IGLON5: variants seen among roughly 807,000 people sequenced by gnomAD.
The protein encoded by IGLON5 is IgLON family member 5, also known as Ig-like domain-containing protein ENSP00000270642.
Under a neutral mutation model 38.2 loss-of-function variants are expected in IGLON5, and 16 were observed. That is an observed-to-expected ratio of 0.42 (90% CI 0.28 to 0.64). The LOEUF (loss-of-function observed/expected upper bound fraction) is 0.64, where lower values mean the gene tolerates loss of function less well. IGLON5 is among the 30% of genes least tolerant of loss of function. The pLI is 0.23. For synonymous variants in IGLON5, 207 were observed against 216.4 expected (o/e 0.96, Z 0.38); for missense variants, 366 against 483.4 (o/e 0.76, Z 2.28).
At position 51,329,436 on chromosome 19, in the gene IGLON5, G is replaced by T. The variant is rs1429356976; in HGVS notation, c.*677G>T. On this transcript the variant is annotated 3_prime_UTR_variant, in exon 8 of 8. Coordinates refer to ENST00000270642, the MANE Select transcript of IGLON5 (RefSeq NM_001101372.3). This position sits in a 1 kb window ranked among gnomAD's most constrained non-coding sequence, Gnocchi z 4.3. ...TGGGGGACCTCCATCTAGGCTCTGGGCTTCCCTGCTGTCAACCACCAGCTT... is the reference window on the plus strand; with the variant it reads ...TGGGGGACCTCCATCTAGGCTCTGGTCTTCCCTGCTGTCAACCACCAGCTT... The T allele has an allele frequency of 1.3e-5, 2 of 152,236 alleles. No individual in the cohort carries two copies. The highest frequency in any genetic ancestry group is 1.9e-4 in the East Asian group (1 of 5,182). The allele number at this position is 152,236 out of a possible 1,614,324, so 9.4% of individuals were successfully genotyped here. A position where few individuals can be genotyped will look rare whatever the true frequency, so the allele number is the denominator to read the frequency against.
intron 1 of IGLON5, among the ~76,000 whole-genome samples, chr19:51,312,383 CG>C (rs914093091): frequency 4.0e-5 from 6 of 151,752 alleles, no homozygotes; most frequent in Non-Finnish European, 1.5e-5. Flanking sequence ...AGGTCCTTGC[CG>C]GGGGCTGGGG....
intron 1 of IGLON5, among the ~76,000 whole-genome samples, chr19:51,315,688 CTT>C (rs756194855): frequency 1.7e-4 from 14 of 82,582 alleles, no homozygotes; most frequent in Admixed American, 9.5e-4. Flanking sequence ...GGAAGTCAAC[CTT>C]TTTTTTTTTT....
chr19:51,328,719 CCCT>C lies in IGLON5; in HGVS notation c.976_978del (p.Leu326del), dbSNP rs1599829332. 1 of 1,600,552 alleles carries C rather than the reference CCCT, an allele frequency of 6.2e-7. No individual in the cohort carries two copies. Among genetic ancestry groups the C allele is most frequent in the Non-Finnish European group, 8.5e-7 (1 of 1,173,780 alleles). Reference sequence around the variant, plus strand: ...GCCCCGAGGCCCCCAGGGCTCCTGGCCCTCCTCTCCGCCCTGGGCTGGCTGTGG... The same window carrying C: ...GCCCCGAGGCCCCCAGGGCTCCTGGCCCTCTCCGCCCTGGGCTGGCTGTGG... On this transcript the variant is annotated inframe_deletion, in exon 8 of 8. Transcript: ENST00000270642.
chr19:51,325,716 C>T lies in IGLON5; in HGVS notation c.511+251C>T, dbSNP rs1305576412. ...GCGTCACTTGCCAAACCCCAGCCTG[C>T]GTCACTTCCCCAACCCCAGTGTCCC... On this transcript the variant is annotated intron_variant, in intron 4 of 7. Transcript: ENST00000270642. The surrounding 1 kb of genome is among the most constrained non-coding windows in gnomAD (Gnocchi z 5.5). Among the ~76,000 whole-genome samples the T allele has an allele frequency of 6.6e-6, 1 of 152,184 alleles. No individual in the cohort carries two copies. The highest frequency in any genetic ancestry group is 1.5e-5 in the Non-Finnish European group (1 of 68,026).
In IGLON5 at chr19:51,330,023, G is replaced by A. The variant is rs1985315684; in HGVS notation, c.*1264G>A. 1 of 152,292 alleles carries A rather than the reference G, an allele frequency of 6.6e-6. No homozygotes were observed. The highest frequency in any genetic ancestry group is 2.4e-5 in the African/African-American group (1 of 41,458). The allele number at this position is 152,292 out of a possible 1,614,324, so 9.4% of individuals were successfully genotyped here. On this transcript the variant is annotated 3_prime_UTR_variant, in exon 8 of 8. Transcript: ENST00000270642. ...ACCCTGGTACACCACACCACACAAAGTGGGGGACAGAGAGGCATCACACAG... is the reference window on the plus strand; with the variant it reads ...ACCCTGGTACACCACACCACACAAAATGGGGGACAGAGAGGCATCACACAG...
intron 2 of IGLON5, 101 bp from the exon 3 acceptor site, chr19:51,323,561 C>A: frequency 1.1e-6 from 1 of 924,740 alleles, no homozygotes; most frequent in Non-Finnish European, 1.7e-6. Context: ...TGTGGTGGGA[C>A]CTGGAGATGC....
In IGLON5 at chr19:51,327,864, C is replaced by T; in HGVS notation, c.900C>T (p.Ser300=). Reference sequence around the variant, plus strand: ...GCGCCGCCAACCGACTGGGAGCGTCCAGCGCCTCCATGCGGCTCCTGCGTG... The same window carrying T: ...GCGCCGCCAACCGACTGGGAGCGTCTAGCGCCTCCATGCGGCTCCTGCGTG... ...TCRAANRLGA[S]SASMRLLRPG... is the part of the protein sequence containing the mutation. Residue 300 remains serine, a synonymous_variant, in exon 7 of 8, where the codon TCC becomes TCT. Transcript: ENST00000270642. The surrounding 1 kb of genome is among the most constrained non-coding windows in gnomAD (Gnocchi z 7.1). The T allele has an allele frequency of 2.0e-6, 3 of 1,534,342 alleles. No individual in the cohort carries two copies. The highest frequency in any genetic ancestry group is 2.6e-6 in the Non-Finnish European group (3 of 1,138,876).
rs1400171308 is a variant in IGLON5, at chr19:51,313,641, C to CTTTT, written c.79+1716_79+1717insTTTT. On this transcript the variant is annotated intron_variant, in intron 1 of 7. Coordinates refer to ENST00000270642, the MANE Select transcript of IGLON5 (RefSeq NM_001101372.3). ...TCCTTCTTTCTCTTTTTCTCTCTCT[C>CTTTT]TCTCTTTTTCTTTCTTTCTTTCTTT... 1.1e-4 allele frequency among the ~76,000 whole-genome samples: 9 copies of CTTTT among 82,634 alleles called. No individual in the cohort carries two copies. In the East Asian group the frequency reaches 1.3e-3, roughly 12 times the overall value. 54.2% of individuals were successfully genotyped at this position (82,634 alleles called of 152,430 possible). A position where few individuals can be genotyped will look rare whatever the true frequency, so the allele number is the denominator to read the frequency against.
intron 1 of IGLON5, among the ~76,000 whole-genome samples, chr19:51,315,758 C>T (rs1984904474): frequency 7.4e-6 from 1 of 135,622 alleles, no homozygotes. Flanking sequence ...TGCAGTGGCA[C>T]TATCTCAGCT....
chr19:51,315,516 T>G (rs1052179449), intron 1 of IGLON5, among the ~76,000 whole-genome samples: 1 of 151,914 alleles, frequency 6.6e-6, no homozygotes, highest in Non-Finnish European at 1.5e-5. Context: ...TGGAGAGAGA[T>G]CAAAGACCAA....
At position 51,311,788 on chromosome 19, in the gene IGLON5, C is replaced by A; in HGVS notation, c.-60C>A. 3.3e-6 allele frequency: 1 copy of A among 305,430 alleles called. No homozygotes were observed. The allele number at this position is 305,430 out of a possible 1,614,324, so 18.9% of individuals were successfully genotyped here. The stretch of plus-strand genomic sequence containing the variant: ...TCCCCCTCCCCCCTCTCCCCCCAGG[C>A]CTCGCGCGCCCCGGACCGGCCCCCC... On this transcript the variant is annotated 5_prime_UTR_variant, in exon 1 of 8. Coordinates refer to ENST00000270642, the MANE Select transcript of IGLON5 (RefSeq NM_001101372.3).
At position 51,313,647 on chromosome 19, in the gene IGLON5, TTTTCTTTCTTTCTTTC is replaced by T. The variant is rs1555750477; in HGVS notation, c.79+1756_79+1771del. Among the ~76,000 whole-genome samples the T allele has an allele frequency of 2.9e-4, 34 of 116,272 alleles. 1 individual carries two copies. The highest frequency in any genetic ancestry group is 2.1e-3 in the South Asian group (7 of 3,346). 76.3% of individuals were successfully genotyped at this position (116,272 alleles called of 152,430 possible). A position where few individuals can be genotyped will look rare whatever the true frequency, so the allele number is the denominator to read the frequency against. The stretch of plus-strand genomic sequence containing the variant: ...TTTCTCTTTTTCTCTCTCTCTCTCT[TTTTCTTTCTTTCTTTC>T]TTTCTTTCTTTCTTTCTTTCTTTCT... On this transcript the variant is annotated intron_variant, in intron 1 of 7. Transcript: ENST00000270642.
chr19:51,330,456 C>T lies in IGLON5; in HGVS notation c.*1697C>T, dbSNP rs1219852030. On this transcript the variant is annotated 3_prime_UTR_variant, in exon 8 of 8. Transcript: ENST00000270642. ...TCTCCAGCATCATTCCTACCGCCTA[C>T]TTTCTCACTGGTAGACTTGGAATGG... The T allele has an allele frequency of 6.6e-6, 1 of 152,258 alleles. No homozygotes were observed. Among genetic ancestry groups the T allele is most frequent in the Non-Finnish European group, 1.5e-5 (1 of 68,052 alleles). 9.4% of individuals were successfully genotyped at this position (152,258 alleles called of 1,614,324 possible). A position where few individuals can be genotyped will look rare whatever the true frequency, so the allele number is the denominator to read the frequency against.
chr19:51,325,296 G>A lies in IGLON5; in HGVS notation c.392-50G>A, dbSNP rs1256398756. On this transcript the variant is annotated intron_variant, in intron 3 of 7. Coordinates refer to ENST00000270642, the MANE Select transcript of IGLON5 (RefSeq NM_001101372.3). This position sits in a 1 kb window ranked among gnomAD's most constrained non-coding sequence, Gnocchi z 5.5. ...CCTGGGTCTGAAGGAGGAAGGGCTG[G>A]GGGCCTGGATTCCTGGGCATCCATA... 2 of 1,592,884 alleles carry A rather than the reference G, an allele frequency of 1.3e-6. No individual in the cohort carries two copies. The highest frequency in any genetic ancestry group is 2.7e-5 in the African/African-American group (2 of 74,492).
At chr19:51,320,968 ATG>A (rs903300097) in intron 1 of IGLON5, among the ~76,000 whole-genome samples, 6 of 152,180 alleles carry the variant, frequency 3.9e-5, no homozygotes, top group African/African-American at 1.4e-4. Context: ...GCATAGGTAC[ATG>A]TGTGTCTGTA....
Position 51,324,618 on chromosome 19 carries a change from C to T in IGLON5, c.391+724C>T, listed in dbSNP as rs777024607. Among the ~76,000 whole-genome samples, 23 of 152,158 alleles carry T rather than the reference C, an allele frequency of 1.5e-4. No individual in the cohort carries two copies. The highest frequency in any genetic ancestry group is 3.3e-4 in the Admixed American group (5 of 15,276). On this transcript the variant is annotated intron_variant, in intron 3 of 7. Coordinates refer to ENST00000270642, the MANE Select transcript of IGLON5 (RefSeq NM_001101372.3). This position sits in a 1 kb window ranked among gnomAD's most constrained non-coding sequence, Gnocchi z 4.2. Reference sequence around the variant, plus strand: ...AGGGACCTTGAGCAGGGAAGAGGCCCGGGACTCCTTTGCAAAATGGGGATG... The same window carrying T: ...AGGGACCTTGAGCAGGGAAGAGGCCTGGGACTCCTTTGCAAAATGGGGATG...
rs1223499942 is a variant in IGLON5, at chr19:51,322,480, G to GGGGACAGAGATCCAGCAGAGA, written c.158+346_158+366dup. On this transcript the variant is annotated intron_variant, in intron 2 of 7. Coordinates refer to ENST00000270642, the MANE Select transcript of IGLON5 (RefSeq NM_001101372.3). ...GAAGGGGACAGAGATCCAGAGAGAA[G>GGGGACAGAGATCCAGCAGAGA]GGGACAGAGATCCAGCAGAGAGGGA... 1.9e-4 allele frequency among the ~76,000 whole-genome samples: 28 copies of GGGGACAGAGATCCAGCAGAGA among 150,478 alleles called. 1 individual carries two copies. The highest frequency in any genetic ancestry group is 6.7e-4 in the African/African-American group (27 of 40,156).
At chr19:51,326,701 C>A (rs1985222919) in intron 4 of IGLON5, 63 bp from the exon 5 acceptor site, 1 of 1,363,792 alleles carries the variant, frequency 7.3e-7, no homozygotes. Context: ...GTGTTGTGCC[C>A]GTGTTGTCCC....
At chr19:51,320,516 C>T (rs748023939) in intron 1 of IGLON5, among the ~76,000 whole-genome samples, 1 of 152,210 alleles carries the variant, frequency 6.6e-6, no homozygotes, top group Non-Finnish European at 1.5e-5. Context: ...TGGTCCAGCC[C>T]GCTGGCCACG....
Sources: gnomAD v4.1 joint callset for allele counts (sites outside exome capture counted in the v4.1 genomes callset) on GRCh38, gnomAD v4.1.1 for gene constraint, Gnocchi (gnomAD v3.1) non-coding constraint, MANE v1.5 for transcripts, NCBI Gene and HGNC (gene_info 2026-07-23, HGNC 2026-07-21) for gene names.